PMFBP1: variants seen among roughly 807,000 people sequenced by gnomAD.
The protein encoded by PMFBP1 is polyamine-modulated factor 1-binding protein 1.
A neutral mutation model predicts 137.8 loss-of-function variants in PMFBP1; 131 were observed. That is an observed-to-expected ratio of 0.95 (90% CI 0.82 to 1.10). The LOEUF (loss-of-function observed/expected upper bound fraction) is 1.10, where lower values mean the gene tolerates loss of function less well. PMFBP1 is among the 50% of genes least tolerant of loss of function. The pLI is 0.00. For synonymous variants in PMFBP1, 490 were observed against 450.4 expected, an observed-to-expected ratio of 1.09 and a Z score of -1.11; for missense variants, 1,199 against 1,175.4, an observed-to-expected ratio of 1.02 and a Z score of -0.29.
intron 5 of PMFBP1, among the ~76,000 whole-genome samples, chr16:72,143,568 C>A (rs1396760716): frequency 2.0e-5 from 3 of 151,488 alleles, no homozygotes; most frequent in Non-Finnish European, 2.9e-5. Flanking sequence ...CATGGTGAAA[C>A]CCTGTCTCTG....
the PMFBP1 span, among the ~76,000 whole-genome samples, chr16:72,195,989 G>A: frequency 0.053 from 1,051 of 19,800 alleles, 22 homozygotes; most frequent in East Asian, 0.13. Context: ...GAATGTGTGT[G>A]TGTGTGTGTG....
chr16:72,166,051 C>T (rs562433246), intron 2 of PMFBP1, among the ~76,000 whole-genome samples: 12 of 152,158 alleles, frequency 7.9e-5, no homozygotes, highest in Non-Finnish European at 8.8e-5. Flanking sequence ...GTCACTGTGC[C>T]GGCTTTCTAC....
the PMFBP1 span, among the ~76,000 whole-genome samples, chr16:72,191,054 G>T: frequency 6.6e-6 from 1 of 152,096 alleles, no homozygotes. Flanking sequence ...AAAATTTTAT[G>T]GCCTGCAAGT....
chr16:72,136,415 A>G, intron 9 of PMFBP1, 33 bp downstream of exon 9: 2 of 1,604,622 alleles, frequency 1.2e-6, no homozygotes, highest in Non-Finnish European at 1.7e-6. Flanking sequence ...CACCTGCCCC[A>G]TTGGGAACCC....
chr16:72,194,035 T>G, the PMFBP1 span, among the ~76,000 whole-genome samples: 1 of 151,960 alleles, frequency 6.6e-6, no homozygotes, highest in African/African-American at 2.4e-5. Context: ...TTTCATTTTA[T>G]AGTCCCCTGA....
At chr16:72,123,029 G>T in intron 18 of PMFBP1, 41 bp from the exon 19 acceptor site, 1 of 1,572,780 alleles carries the variant, frequency 6.4e-7, no homozygotes. Context: ...CCAGTCGCCA[G>T]CCTCCCGCGA....
the PMFBP1 span, among the ~76,000 whole-genome samples, chr16:72,237,298 A>T: frequency 1.3e-5 from 2 of 152,128 alleles, no homozygotes; most frequent in Admixed American, 1.3e-4. Context: ...TGCTGTCCAT[A>T]GCTCAGGGAG....
downstream of PMFBP1, among the ~76,000 whole-genome samples, chr16:72,117,572 T>G (rs1305207339): frequency 6.6e-6 from 1 of 152,222 alleles, no homozygotes; most frequent in Non-Finnish European, 1.5e-5. Flanking sequence ...AAGCAGGTGT[T>G]CTTGCCTTAT....
chr16:72,244,288 G>T, the PMFBP1 span, among the ~76,000 whole-genome samples: 1 of 151,858 alleles, frequency 6.6e-6, no homozygotes, highest in South Asian at 2.1e-4. Flanking sequence ...AATGGACACA[G>T]ACAAGAAAAA....
intron 2 of PMFBP1, among the ~76,000 whole-genome samples, chr16:72,166,673 T>C (rs1404542167): frequency 6.6e-6 from 1 of 152,198 alleles, no homozygotes; most frequent in African/African-American, 2.4e-5. Flanking sequence ...AATTTTAGCC[T>C]GCTCATACAG....
chr16:72,214,365 C>T, the PMFBP1 span, among the ~76,000 whole-genome samples: 32 of 151,974 alleles, frequency 2.1e-4, no homozygotes, highest in Non-Finnish European at 3.5e-4. Context: ...TTAGTAGAGA[C>T]GGGGTTTTGC....
Position 72,164,836 on chromosome 16 carries a change from A to T in PMFBP1, c.93T>A (p.Asp31Glu). 1.2e-6 allele frequency: 2 copies of T among 1,610,378 alleles called. No individual in the cohort carries two copies. Among genetic ancestry groups the T allele is most frequent in the Non-Finnish European group, 1.7e-6 (2 of 1,176,842 alleles). ...AGGTCTTCCTCTGTCTCTTGCAGACATCGTGCAGATTCTTGATGTCAAGTT... is the reference window on the plus strand; with the variant it reads ...AGGTCTTCCTCTGTCTCTTGCAGACTTCGTGCAGATTCTTGATGTCAAGTT... ...SLQLDIKNLH[D>E]VCKRQRKTLQ... The change falls in exon 3 of 21, where the codon GAT becomes GAA. Residue 31 changes from aspartate to glutamate, a missense_variant. Transcript: ENST00000237353.
intron 3 of PMFBP1, chr16:72,164,449 C>T: frequency 7.3e-7 from 1 of 1,363,362 alleles, no homozygotes; most frequent in Non-Finnish European, 9.6e-7. Flanking sequence ...CGCTGCTCCC[C>T]TTGTATCACT....
chr16:72,172,771 T>A (rs2043233553), upstream of PMFBP1, among the ~76,000 whole-genome samples: 1 of 152,142 alleles, frequency 6.6e-6, no homozygotes, highest in Admixed American at 6.5e-5. Context: ...AATAGTATTA[T>A]GTCTAAGAAA....
the PMFBP1 span, among the ~76,000 whole-genome samples, chr16:72,228,976 T>C: frequency 2.6e-5 from 4 of 152,082 alleles, no homozygotes; most frequent in Admixed American, 6.6e-5. Flanking sequence ...CAGTACCCCA[T>C]TGGTAGAGAA....
chr16:72,128,384 T>G, intron 14 of PMFBP1: 1 of 1,392,430 alleles, frequency 7.2e-7, no homozygotes, highest in Non-Finnish European at 9.3e-7. Flanking sequence ...AACTCTGGTC[T>G]AAAATGTAAC....
intron 3 of PMFBP1, among the ~76,000 whole-genome samples, chr16:72,157,419 G>A (rs1034030386): frequency 1.3e-5 from 2 of 152,094 alleles, no homozygotes; most frequent in African/African-American, 4.8e-5. Context: ...CGTTTGAACC[G>A]AAACTTGAAG....
chr16:72,147,102 C>G (rs1464792348), intron 5 of PMFBP1, among the ~76,000 whole-genome samples: 1 of 152,218 alleles, frequency 6.6e-6, no homozygotes, highest in African/African-American at 2.4e-5. Context: ...CTGGAGGCAT[C>G]ATGCTGCCTG....
At chr16:72,224,356 C>G in the PMFBP1 span, among the ~76,000 whole-genome samples, 1 of 152,138 alleles carries the variant, frequency 6.6e-6, no homozygotes, top group Admixed American at 6.5e-5. Flanking sequence ...GCCAGATTGT[C>G]TTACAGCATA....
Sources: allele counts gnomAD v4.1 joint callset (sites outside exome capture counted in the v4.1 genomes callset), GRCh38; gene constraint gnomAD v4.1.1; transcripts MANE v1.5; gene names NCBI Gene and HGNC (gene_info 2026-07-23, HGNC 2026-07-21).